Variants in PDE1C observed in about 807,000 individuals in gnomAD.
PDE1C encodes the protein dual specificity calcium/calmodulin-dependent 3',5'-cyclic nucleotide phosphodiesterase 1C.
PDE1C carries 62 observed loss-of-function variants against 93.1 expected under a neutral mutation model. That is an observed-to-expected ratio of 0.67 (90% CI 0.54 to 0.82). The LOEUF (loss-of-function observed/expected upper bound fraction) is 0.82. Ranked by LOEUF, PDE1C falls within the 40% of genes least tolerant of loss-of-function variation. The pLI, the probability that PDE1C is intolerant of heterozygous loss-of-function variation, is 0.00. For synonymous variants in PDE1C, 325 were observed against 310.1 expected, an observed-to-expected ratio of 1.05 and a Z score of -0.50; for missense variants, 742 against 884.6, an observed-to-expected ratio of 0.84 and a Z score of 2.04.
At chr7:31,759,089 G>A (rs1794668383) in intron 17 of PDE1C, among the ~76,000 whole-genome samples, 1 of 152,170 alleles carries the variant, frequency 6.6e-6, no homozygotes, top group Non-Finnish European at 1.5e-5. Flanking sequence ...CTGAGTTTGT[G>A]GAAATACTTA....
chr7:31,675,936 T>C, the PDE1C span, among the ~76,000 whole-genome samples: 3 of 152,148 alleles, frequency 2.0e-5, no homozygotes, highest in African/African-American at 7.2e-5. Context: ...CTGGGTATAA[T>C]ATATCTCAGA....
At chr7:31,924,215 A>G (rs1803039241) in intron 2 of PDE1C, among the ~76,000 whole-genome samples, 1 of 152,192 alleles carries the variant, frequency 6.6e-6, no homozygotes, top group Non-Finnish European at 1.5e-5. Flanking sequence ...TTTAAGACTG[A>G]ATGGAATTTT....
intron 1 of PDE1C, among the ~76,000 whole-genome samples, chr7:32,311,028 A>G (rs905046004): frequency 9.9e-5 from 15 of 152,218 alleles, no homozygotes; most frequent in African/African-American, 3.6e-4. Flanking sequence ...AGAAGAAAAG[A>G]GAGAAGAATC....
intron 1 of PDE1C, among the ~76,000 whole-genome samples, chr7:32,329,965 G>T (rs1229937576): frequency 6.6e-6 from 1 of 152,204 alleles, no homozygotes; most frequent in African/African-American, 2.4e-5. Context: ...CCCCATCAGG[G>T]ATGCCAAGGA....
At chr7:32,399,196 C>T (rs559845182) in intron 1 of PDE1C, among the ~76,000 whole-genome samples, 10 of 152,292 alleles carry the variant, frequency 6.6e-5, no homozygotes, top group South Asian at 2.1e-4. Context: ...CACCTACACA[C>T]GGTTGTGTGT....
rs1009781658 is a variant in PDE1C at position 31,832,044 on chromosome 7, C to G, written c.1204-3671G>C. ...GAAAACTAGAACTATCACATTAATG[C>G]AGATTGTGCTGGAAGCAGCTCAAAG... On this transcript the variant is annotated intron_variant, in intron 11 of 17. Coordinates refer to ENST00000396191, the MANE Select transcript of PDE1C (RefSeq NM_001191057.4). Among the ~76,000 whole-genome samples the G allele has an allele frequency of 8.6e-5, 13 of 151,982 alleles. 1 individual carries two copies. Among genetic ancestry groups the G allele is most frequent in the Admixed American group, 6.6e-4 (10 of 15,260 alleles).
At chr7:31,876,405 A>C (rs1480817810) in intron 5 of PDE1C, among the ~76,000 whole-genome samples, 3 of 152,204 alleles carry the variant, frequency 2.0e-5, no homozygotes, top group African/African-American at 7.2e-5. Context: ...ATAACAATTC[A>C]TGCACATCAC....
chr7:31,939,585 G>A (rs1171393574), intron 2 of PDE1C, among the ~76,000 whole-genome samples: 10 of 152,088 alleles, frequency 6.6e-5, no homozygotes, highest in Non-Finnish European at 5.9e-5. Context: ...TTAAGGAGAA[G>A]AAATTGATAA....
intron 2 of PDE1C, among the ~76,000 whole-genome samples, chr7:31,933,474 T>C (rs1416745367): frequency 6.6e-6 from 1 of 152,198 alleles, no homozygotes; most frequent in Non-Finnish European, 1.5e-5. Flanking sequence ...GAAGAAACTT[T>C]CTATTTAAAT....
chr7:32,357,279 A>AC (rs1355444486), intron 1 of PDE1C, among the ~76,000 whole-genome samples: 1 of 151,956 alleles, frequency 6.6e-6, no homozygotes, highest in Admixed American at 6.6e-5. Flanking sequence ...GCTTGCAGTG[A>AC]GCAGAGATCG....
intron 2 of PDE1C, among the ~76,000 whole-genome samples, chr7:31,890,195 C>T (rs976280938): frequency 1.3e-5 from 2 of 152,158 alleles, no homozygotes; most frequent in Admixed American, 6.5e-5. Context: ...ATGCTGGGGA[C>T]TGGGGAGAGG....
chr7:32,381,379 C>G (rs954957908), intron 1 of PDE1C, among the ~76,000 whole-genome samples: 3 of 152,080 alleles, frequency 2.0e-5, no homozygotes, highest in African/African-American at 4.8e-5. Flanking sequence ...TTTCACAGCT[C>G]TGCTCAACTC....
the PDE1C span, among the ~76,000 whole-genome samples, chr7:31,620,176 G>T: frequency 2.6e-5 from 4 of 152,244 alleles, no homozygotes; most frequent in East Asian, 1.9e-4. Context: ...ACCTCTGGGG[G>T]CAGGGCACAG....
chr7:31,916,392 T>C (rs1429247498), intron 2 of PDE1C, among the ~76,000 whole-genome samples: 1 of 152,162 alleles, frequency 6.6e-6, no homozygotes, highest in Non-Finnish European at 1.5e-5. Context: ...ATAACTATGA[T>C]ATAGCTGTAG....
intron 6 of PDE1C, among the ~76,000 whole-genome samples, chr7:31,870,762 C>T (rs1795849397): frequency 6.6e-6 from 1 of 151,900 alleles, no homozygotes; most frequent in Admixed American, 6.6e-5. Flanking sequence ...TTTACATTGC[C>T]AGCATTTCCC....
In PDE1C at chr7:32,267,243, T is replaced by C. The variant is rs1337118053; in HGVS notation, c.85+31408A>G. Among the ~76,000 whole-genome samples the C allele has an allele frequency of 2.0e-5, 3 of 151,370 alleles. No individual in the cohort carries two copies. In the East Asian group the frequency reaches 5.9e-4, roughly 30 times the overall value. On this transcript the variant is annotated intron_variant, in intron 1 of 18. Coordinates refer to the PDE1C transcript ENST00000396193. ...GCAAAGGCCCCCTGGCAGGCTGAGG[T>C]TAGGGGATTTTAACCTAAGGGCAGA... is the stretch of plus-strand genomic sequence containing the variant.
chr7:32,350,744 C>G (rs1244340911), intron 1 of PDE1C, among the ~76,000 whole-genome samples: 1 of 4,074 alleles, frequency 2.5e-4, no homozygotes. Flanking sequence ...ATCCCTCCCC[C>G]CTCCCCCGAC....
chr7:31,654,598 C>T, the PDE1C span, among the ~76,000 whole-genome samples: 10 of 152,238 alleles, frequency 6.6e-5, 1 homozygote, highest in South Asian at 2.1e-4. Flanking sequence ...AAGCAAATGT[C>T]GTCAAGTTGC....
At chr7:32,106,133 T>C (rs2128752545) in intron 3 of PDE1C, among the ~76,000 whole-genome samples, 1 of 152,264 alleles carries the variant, frequency 6.6e-6, no homozygotes, top group East Asian at 1.9e-4. Flanking sequence ...TGCCTCAGCG[T>C]TCTGAGTAGC....
Sources: gnomAD v4.1 joint callset for allele counts (sites outside exome capture counted in the v4.1 genomes callset) on GRCh38, gnomAD v4.1.1 for gene constraint, MANE v1.5 for transcripts, NCBI Gene and HGNC (gene_info 2026-07-23, HGNC 2026-07-21) for gene names.